The following EIF4G3 variants were observed in gnomAD, a reference collection of about 807,000 sequenced individuals.
EIF4G3 encodes the protein eukaryotic translation initiation factor 4 gamma 3, also known as eIF-4-gamma 3.
A neutral mutation model predicts 186.4 loss-of-function variants in EIF4G3; 34 were observed. The ratio of observed to expected loss-of-function variants is 0.18; its 90% CI spans 0.14 to 0.24. The LOEUF (loss-of-function observed/expected upper bound fraction) is 0.24. Ranked by LOEUF, EIF4G3 falls within the 10% of genes least tolerant of loss-of-function variation. The pLI is 1.00. For missense variants in EIF4G3, 1,536 were observed against 1,948.5 expected, an observed-to-expected ratio of 0.79 and a Z score of 3.99; for synonymous variants, 673 against 679.5, an observed-to-expected ratio of 0.99 and a Z score of 0.15.
intron 2 of EIF4G3, among the ~76,000 whole-genome samples, chr1:21,106,622 T>C (rs531060879): frequency 2.8e-4 from 42 of 152,108 alleles, no homozygotes; most frequent in Non-Finnish European, 5.4e-4. Flanking sequence ...GGAGGAGATG[T>C]AAATACACAA....
intron 2 of EIF4G3, among the ~76,000 whole-genome samples, chr1:21,119,895 C>G (rs1043017901): frequency 6.6e-6 from 1 of 151,914 alleles, no homozygotes; most frequent in Non-Finnish European, 1.5e-5. Context: ...GATTTAACGA[C>G]TCTTAAAAAC....
At chr1:21,012,321 A>T (rs762797497) in intron 4 of EIF4G3, among the ~76,000 whole-genome samples, 6 of 152,022 alleles carry the variant, frequency 3.9e-5, no homozygotes, top group Non-Finnish European at 7.4e-5. Flanking sequence ...CTCATGAGAA[A>T]TTTTTTCCCC....
intron 14 of EIF4G3, among the ~76,000 whole-genome samples, chr1:20,923,449 T>C (rs1211921007): frequency 6.6e-6 from 1 of 152,066 alleles, no homozygotes; most frequent in African/African-American, 2.4e-5. Flanking sequence ...ACTTCTACCA[T>C]CATCAAAAAA....
chr1:20,884,250 T>C lies in EIF4G3; in HGVS notation c.2424+1951A>G, dbSNP rs142218673. Among the ~76,000 whole-genome samples the C allele has an allele frequency of 1.2e-3, 177 of 152,354 alleles. 2 individuals are homozygous for C. In the East Asian group the frequency reaches 0.032, roughly 27 times the overall value. ...ATGCTGCCTCATATCAAGATAATTA[T>C]TCTGTTTCTGAAATAAGACAATAAC... On this transcript the variant is annotated intron_variant, in intron 19 of 36. Coordinates refer to ENST00000602326, the MANE Select transcript of EIF4G3 (RefSeq NM_001391906.1).
intron 22 of EIF4G3, among the ~76,000 whole-genome samples, chr1:20,863,235 C>G (rs112241378): frequency 1.1e-3 from 166 of 151,994 alleles, no homozygotes; most frequent in African/African-American, 3.9e-3. Flanking sequence ...TAGGGCCTTC[C>G]TAAAGAGACC....
At chr1:20,935,154 C>T (rs2154561608) in intron 14 of EIF4G3, among the ~76,000 whole-genome samples, 1 of 152,188 alleles carries the variant, frequency 6.6e-6, no homozygotes, top group African/African-American at 2.4e-5. Flanking sequence ...ATTGACATAC[C>T]ATCTCTGAAA....
intron 34 of EIF4G3, among the ~76,000 whole-genome samples, chr1:20,814,896 C>T (rs1483553239): frequency 1.7e-5 from 2 of 119,464 alleles, no homozygotes; most frequent in East Asian, 5.4e-4. Context: ...GATTCTCCTG[C>T]CTCAGCCTGC....
At chr1:20,876,979 C>T (rs2081074206) in intron 20 of EIF4G3, among the ~76,000 whole-genome samples, 1 of 152,160 alleles carries the variant, frequency 6.6e-6, no homozygotes, top group Non-Finnish European at 1.5e-5. Context: ...AAGACCTTGT[C>T]TCAAGCAAAA....
chr1:20,985,662 T>C (rs2079307573), intron 7 of EIF4G3, among the ~76,000 whole-genome samples: 1 of 152,192 alleles, frequency 6.6e-6, no homozygotes, highest in Non-Finnish European at 1.5e-5. Flanking sequence ...AAAAGGAATA[T>C]ATAAATGGGA....
intron 7 of EIF4G3, chr1:20,988,427 C>G (rs566133809): frequency 5.3e-5 from 9 of 168,764 alleles, no homozygotes; most frequent in African/African-American, 1.9e-4. Context: ...CTTCAACAGG[C>G]TGACTCTACT....
intron 10 of EIF4G3, among the ~76,000 whole-genome samples, chr1:20,975,890 G>A (rs374063261): frequency 1.3e-5 from 2 of 151,650 alleles, no homozygotes; most frequent in South Asian, 4.2e-4. Flanking sequence ...ACGTACAGTA[G>A]TTTATCAACT....
At chr1:21,102,348 C>A (rs1280456047) in intron 2 of EIF4G3, among the ~76,000 whole-genome samples, 1 of 152,128 alleles carries the variant, frequency 6.6e-6, no homozygotes, top group Non-Finnish European at 1.5e-5. Context: ...AGATTGCAAA[C>A]CCTGATTTTT....
chr1:21,105,699 A>C (rs2096604647), intron 2 of EIF4G3, among the ~76,000 whole-genome samples: 1 of 152,202 alleles, frequency 6.6e-6, no homozygotes, highest in Non-Finnish European at 1.5e-5. Context: ...ATGAAGAGAA[A>C]GGGAAAGAAC....
intron 19 of EIF4G3, 105 bp downstream of exon 19, chr1:20,886,096 A>G: frequency 7.5e-7 from 1 of 1,331,918 alleles, no homozygotes. Context: ...AAATGTTATA[A>G]AAAGTCTTAA....
chr1:21,146,893 T>C (rs989910113), intron 2 of EIF4G3, among the ~76,000 whole-genome samples: 1 of 152,158 alleles, frequency 6.6e-6, no homozygotes, highest in Admixed American at 6.5e-5. Context: ...CTAGTATCAA[T>C]GCAATAATTG....
intron 3 of EIF4G3, among the ~76,000 whole-genome samples, chr1:21,074,286 C>T (rs1175890713): frequency 1.3e-5 from 2 of 152,158 alleles, no homozygotes; most frequent in African/African-American, 4.8e-5. Flanking sequence ...CAACCCTCAC[C>T]AGCTGTGGCA....
Position 20,947,445 on chromosome 1 carries a change from TA to T in EIF4G3, c.823+2557del, listed in dbSNP as rs527905125. Among the ~76,000 whole-genome samples, 822 of 142,326 alleles carry T rather than the reference TA, an allele frequency of 5.8e-3. 2 individuals carry two copies. The highest frequency in any genetic ancestry group is 0.01 in the Admixed American group (148 of 14,270). The allele number at this position is 142,326 out of a possible 152,430, so 93.4% of individuals were successfully genotyped here. On this transcript the variant is annotated intron_variant, in intron 13 of 36. Coordinates refer to ENST00000602326, the MANE Select transcript of EIF4G3 (RefSeq NM_001391906.1). ...CTTTCTAACATTACATAAATTTGGT[TA>T]AAAAAAAAAAACTCTGAAAACAGTA...
chr1:21,016,238 T>C (rs1268731377), intron 4 of EIF4G3, among the ~76,000 whole-genome samples: 1 of 152,228 alleles, frequency 6.6e-6, no homozygotes. Context: ...TATAACTTCA[T>C]GATTTTACAT....
chr1:20,979,784 C>G (rs540538114), intron 10 of EIF4G3, among the ~76,000 whole-genome samples: 1 of 150,636 alleles, frequency 6.6e-6, no homozygotes, highest in African/African-American at 2.4e-5. Context: ...TGGAGTCTCG[C>G]TCTGTCACCC....
Sources: gnomAD v4.1 joint callset for allele counts (sites outside exome capture counted in the v4.1 genomes callset) on GRCh38, gnomAD v4.1.1 for gene constraint, MANE v1.5 for transcripts, NCBI Gene and HGNC (gene_info 2026-07-23, HGNC 2026-07-21) for gene names.